The following STXBP5L variants were observed in gnomAD, a reference collection of about 807,000 sequenced individuals.
The protein encoded by STXBP5L is syntaxin binding protein 5L, also known as syntaxin-binding protein 5-like.
A neutral mutation model predicts 144.5 loss-of-function variants in STXBP5L; 65 were observed. The observed-to-expected ratio is 0.45, with a 90% CI of 0.37 to 0.55. The LOEUF (loss-of-function observed/expected upper bound fraction) is 0.55, where lower values mean the gene tolerates loss of function less well. STXBP5L is among the 20% of genes least tolerant of loss of function. The probability of loss-of-function intolerance (pLI) is 0.00; values close to 1 mark genes in which losing one functional copy is unlikely to be tolerated. For missense variants in STXBP5L, 1,298 were observed against 1,405.5 expected (o/e 0.92, Z 1.22); for synonymous variants, 505 against 469.6 (o/e 1.08, Z -0.97).
At chr3:121,067,826 T>A (rs2041620094) in intron 5 of STXBP5L, among the ~76,000 whole-genome samples, 1 of 152,222 alleles carries the variant, frequency 6.6e-6, no homozygotes, top group African/African-American at 2.4e-5. Context: ...TTTATTACTT[T>A]ATCATTATAA....
intron 3 of STXBP5L, among the ~76,000 whole-genome samples, chr3:121,007,704 C>T (rs1393843315): frequency 6.6e-6 from 1 of 151,950 alleles, no homozygotes; most frequent in Non-Finnish European, 1.5e-5. Flanking sequence ...GAATGAGCAT[C>T]AGTGGTTAGA....
chr3:121,007,154 T>A (rs74322251), intron 3 of STXBP5L, among the ~76,000 whole-genome samples: 2,933 of 152,240 alleles, frequency 0.019, 102 homozygotes, highest in African/African-American at 0.067. Context: ...ATTATACTTT[T>A]ACATTTTTAA....
chr3:120,951,872 A>G (rs1711260215), intron 2 of STXBP5L, among the ~76,000 whole-genome samples: 1 of 152,092 alleles, frequency 6.6e-6, no homozygotes, highest in African/African-American at 2.4e-5. Flanking sequence ...TTATTGCGGC[A>G]CTATTCACAA....
chr3:121,005,521 T>G (rs1204453925), intron 3 of STXBP5L, among the ~76,000 whole-genome samples: 2 of 152,186 alleles, frequency 1.3e-5, no homozygotes, highest in Non-Finnish European at 2.9e-5. Flanking sequence ...TTCATTGATG[T>G]TTTGAAGGGT....
rs140957680 is a variant in STXBP5L, at chr3:121,162,817, A to G, written c.877+5190A>G. 1.2e-3 allele frequency among the ~76,000 whole-genome samples: 181 copies of G among 152,340 alleles called. 1 individual carries two copies. The highest frequency in any genetic ancestry group is 4.2e-3 in the African/African-American group (173 of 41,578). On this transcript the variant is annotated intron_variant, in intron 9 of 26. Transcript: ENST00000471454. ...ATTCATGCAACCAACAAATATATGAAAAAAGGCTCATCATCACTGGTCATT... is the reference window on the plus strand; with the variant it reads ...ATTCATGCAACCAACAAATATATGAGAAAAGGCTCATCATCACTGGTCATT...
At chr3:121,020,006 C>A (rs563222538) in intron 3 of STXBP5L, among the ~76,000 whole-genome samples, 1 of 152,156 alleles carries the variant, frequency 6.6e-6, no homozygotes, top group African/African-American at 2.4e-5. Flanking sequence ...TGAAGTCCAA[C>A]TTAACGAAAT....
At chr3:120,952,179 T>C (rs1046465533) in intron 2 of STXBP5L, among the ~76,000 whole-genome samples, 10 of 150,660 alleles carry the variant, frequency 6.6e-5, no homozygotes, top group African/African-American at 2.2e-4. Flanking sequence ...GGGGGAGGGA[T>C]AGCATTGGGA....
intron 10 of STXBP5L, among the ~76,000 whole-genome samples, chr3:121,218,023 GTATAA>G (rs1467037984): frequency 3.5e-5 from 5 of 142,232 alleles, no homozygotes; most frequent in African/African-American, 1.3e-4. Flanking sequence ...ATATACTATA[GTATAA>G]TATACTATAT....
At chr3:121,013,289 G>A (rs1391963988) in intron 3 of STXBP5L, among the ~76,000 whole-genome samples, 1 of 152,028 alleles carries the variant, frequency 6.6e-6, no homozygotes, top group African/African-American at 2.4e-5. Context: ...CACAGAGGCT[G>A]AACTAATTTG....
intron 20 of STXBP5L, among the ~76,000 whole-genome samples, chr3:121,373,060 T>C (rs920890711): frequency 3.9e-5 from 6 of 152,186 alleles, no homozygotes; most frequent in Non-Finnish European, 7.3e-5. Context: ...AATAATTTTA[T>C]CTCAGTATAT....
chr3:121,363,686 T>C (rs921638121), intron 20 of STXBP5L, among the ~76,000 whole-genome samples: 2 of 152,086 alleles, frequency 1.3e-5, no homozygotes, highest in African/African-American at 4.8e-5. Flanking sequence ...GTGCCTCTTC[T>C]AATGATATGA....
At chr3:121,250,522 T>C (rs1445720588) in intron 14 of STXBP5L, among the ~76,000 whole-genome samples, 4 of 152,118 alleles carry the variant, frequency 2.6e-5, no homozygotes, top group African/African-American at 9.6e-5. Context: ...GTTCTTTTTC[T>C]AATCTTTAGA....
intron 2 of STXBP5L, among the ~76,000 whole-genome samples, chr3:120,939,391 A>G (rs910094151): frequency 2.6e-5 from 4 of 152,184 alleles, no homozygotes; most frequent in Non-Finnish European, 5.9e-5. Context: ...GGACAAAAAT[A>G]CTGTTTCTGT....
chr3:120,912,275 C>G (rs765883893), intron 2 of STXBP5L, among the ~76,000 whole-genome samples: 3 of 151,818 alleles, frequency 2.0e-5, no homozygotes, highest in Non-Finnish European at 2.9e-5. Context: ...TTAATTATGT[C>G]ATTTCCTTGC....
At chr3:121,113,672 C>CTTTTTTTTTTTTTTTTT (rs1231857211) in intron 5 of STXBP5L, among the ~76,000 whole-genome samples, 1 of 122,568 alleles carries the variant, frequency 8.2e-6, no homozygotes, top group Admixed American at 9.2e-5. Context: ...TTTTCTTTTT[C>CTTTTTTTTTTTTTTTTT]TTTTTTTTTT....
chr3:121,117,016 G>T (rs1422496302), intron 6 of STXBP5L, among the ~76,000 whole-genome samples: 3 of 151,840 alleles, frequency 2.0e-5, no homozygotes, highest in Non-Finnish European at 4.4e-5. Flanking sequence ...CACCACTCTT[G>T]CAATGCTGTT....
chr3:121,338,592 CAAA>C (rs112967595), intron 20 of STXBP5L, among the ~76,000 whole-genome samples: 3 of 101,666 alleles, frequency 3.0e-5, no homozygotes, highest in East Asian at 2.7e-4. Flanking sequence ...GCATTTCTGT[CAAA>C]AAAAAAAAAA....
At chr3:121,080,066 A>AT (rs2042186421) in intron 5 of STXBP5L, among the ~76,000 whole-genome samples, 1 of 152,054 alleles carries the variant, frequency 6.6e-6, no homozygotes, top group Non-Finnish European at 1.5e-5. Context: ...TCCTTTTATC[A>AT]TTATATAATG....
At chr3:121,217,363 A>G (rs1005114651) in intron 10 of STXBP5L, among the ~76,000 whole-genome samples, 1 of 152,152 alleles carries the variant, frequency 6.6e-6, no homozygotes, top group Non-Finnish European at 1.5e-5. Flanking sequence ...CCATGGGAAA[A>G]GCGTGGTATA....
Sources: gnomAD v4.1 joint callset for allele counts (sites outside exome capture counted in the v4.1 genomes callset) on GRCh38, gnomAD v4.1.1 for gene constraint, MANE v1.5 for transcripts, NCBI Gene and HGNC (gene_info 2026-07-23, HGNC 2026-07-21) for gene names.